CNTNAP3: variants seen among roughly 807,000 people sequenced by gnomAD.
CNTNAP3 encodes the protein contactin-associated protein-like 3.
Under a neutral mutation model 92.1 loss-of-function variants are expected in CNTNAP3, and 36 were observed. The ratio of observed to expected loss-of-function variants is 0.39; its 90% CI spans 0.30 to 0.52. The LOEUF is 0.52. CNTNAP3 is among the 20% of genes least tolerant of loss of function. The pLI, the probability that CNTNAP3 is intolerant of heterozygous loss-of-function variation, is 0.76. For synonymous variants in CNTNAP3, 232 were observed against 422.3 expected (o/e 0.55, Z 5.53); for missense variants, 534 against 1,069.6 (o/e 0.50, Z 6.98).
Position 39,231,956 on chromosome 9 carries a change from A to G in CNTNAP3, c.390+7037T>C, listed in dbSNP as rs1386077834. Among the ~76,000 whole-genome samples, 2 of 6,684 alleles carry G rather than the reference A, an allele frequency of 3.0e-4. 1 individual carries two copies. The highest frequency in any genetic ancestry group is 3.2e-4 in the African/African-American group (2 of 6,222). The allele number at this position is 6,684 out of a possible 152,430, so 4.4% of individuals were successfully genotyped here. ...ATCATTTATGTGTGTGTATGTGTGT[A>G]TATATATATATATATAAGTGGGAAT... On this transcript the variant is annotated intron_variant, in intron 3 of 23. Transcript: ENST00000297668.
intron 14 of CNTNAP3, among the ~76,000 whole-genome samples, chr9:39,117,448 C>CT (rs1487153264): frequency 5.9e-5 from 9 of 152,018 alleles, no homozygotes; most frequent in Non-Finnish European, 1.3e-4. Context: ...TCAAAAAGAA[C>CT]TTCTGAAAAA....
At position 39,071,030 on chromosome 9, in the gene CNTNAP3, T is replaced by A. The variant is rs1240495729; in HGVS notation, c.*2860A>T. Among the ~76,000 whole-genome samples, 1 of 152,200 alleles carries A rather than the reference T, an allele frequency of 6.6e-6. No homozygotes were observed. Among genetic ancestry groups the A allele is most frequent in the African/African-American group, 2.4e-5 (1 of 41,428 alleles). On this transcript the variant is annotated 3_prime_UTR_variant, in exon 24 of 24. Transcript: ENST00000297668. ...AGGAGTTCAGTCCACGCATGACAAC[T>A]TACTAGTACTGCCTACTTGAAGAGA...
At chr9:39,119,507 C>A (rs561508770) in intron 13 of CNTNAP3, among the ~76,000 whole-genome samples, 20 of 151,978 alleles carry the variant, frequency 1.3e-4, no homozygotes, top group Non-Finnish European at 2.9e-4. Flanking sequence ...TAAAAGTTAC[C>A]GACTTCACCA....
chr9:39,133,048 A>G lies in CNTNAP3; in HGVS notation c.1964T>C (p.Val655Ala). 2 of 1,553,308 alleles carry G rather than the reference A, an allele frequency of 1.3e-6. No individual in the cohort carries two copies. The highest frequency in any genetic ancestry group is 1.2e-5 in the South Asian group (1 of 85,426). ...GAPSGHPRSAVSFAYAAGAGQ... is the reference protein window; with the variant it reads ...GAPSGHPRSAASFAYAAGAGQ... ...CGCGCCCGCTGCGTACGCGAAGGAC[A>G]CAGCCGAGCGCGGGTGCCCGCTGGG... is the stretch of plus-strand genomic sequence containing the variant. Residue 655 changes from valine (V) to alanine (A), a missense_variant, in exon 13 of 24, where the codon GTG becomes GCG. Transcript: ENST00000297668.
chr9:39,128,730 A>G (rs1297113336), intron 13 of CNTNAP3, among the ~76,000 whole-genome samples: 1 of 151,942 alleles, frequency 6.6e-6, no homozygotes, highest in African/African-American at 2.4e-5. Flanking sequence ...ACGAGGCAGA[A>G]ATAAAGCTGA....
At chr9:39,143,716 T>C (rs2118106706) in intron 11 of CNTNAP3, among the ~76,000 whole-genome samples, 1 of 152,268 alleles carries the variant, frequency 6.6e-6, no homozygotes, top group South Asian at 2.1e-4. Flanking sequence ...GTAAGAGATC[T>C]TAAAGGTCCT....
chr9:39,143,089 GA>G (rs200483407), intron 11 of CNTNAP3, among the ~76,000 whole-genome samples: 1 of 151,148 alleles, frequency 6.6e-6, no homozygotes, highest in Non-Finnish European at 1.5e-5. Flanking sequence ...AAACAAATAG[GA>G]AAAAAAAGGC....
At chr9:39,146,474 G>T (rs1400420195) in intron 10 of CNTNAP3, among the ~76,000 whole-genome samples, 3 of 152,296 alleles carry the variant, frequency 2.0e-5, no homozygotes, top group African/African-American at 7.2e-5. Context: ...TGGATGACGA[G>T]GTCAGGAGAT....
chr9:39,075,289 C>T (rs1329878444), intron 23 of CNTNAP3, among the ~76,000 whole-genome samples: 1 of 151,102 alleles, frequency 6.6e-6, no homozygotes, highest in African/African-American at 2.4e-5. Context: ...GAATGGAAGG[C>T]CTGGATACCA....
At chr9:39,099,820 C>A (rs1419871178) in intron 18 of CNTNAP3, 91 bp downstream of exon 18, 3 of 1,518,212 alleles carry the variant, frequency 2.0e-6, no homozygotes, top group Non-Finnish European at 2.7e-6. Flanking sequence ...CAATCTTATC[C>A]TCTCTTTATA....
chr9:39,133,012 C>G lies in CNTNAP3; in HGVS notation c.2000G>C (p.Arg667Pro), dbSNP rs1352396727. The part of the protein sequence containing the change: ...FAYAAGAGQL[R>P]SAVNLAERCE... ...GCGCTCCGCCAGGTTCACCGCGGAC[C>G]GCAGCTGCCCCGCGCCCGCTGCGTA... The change falls in exon 13 of 24, where the codon CGG becomes CCG. Residue 667 changes from arginine to proline, a missense_variant. Physicochemically the swap from Arg to Pro is moderately radical, Grantham distance 103 (BLOSUM62 -2). Transcript: ENST00000297668. 4.5e-6 allele frequency: 7 copies of G among 1,539,164 alleles called. No homozygotes were observed. In the South Asian group the frequency reaches 7.1e-5, roughly 16 times the overall value.
At position 39,068,603 on chromosome 9, in the gene CNTNAP3, C is replaced by T. The variant is rs1255136279; in HGVS notation, c.*5287G>A. On this transcript the variant is annotated 3_prime_UTR_variant, in exon 24 of 24. Transcript: ENST00000297668. ...GTAGTTTCATGCACTTTGTTACACA[C>T]TGAAGGGCGACCCTCTCCAGATTTG... is the stretch of plus-strand genomic sequence containing the variant. Among the ~76,000 whole-genome samples, 2 of 152,310 alleles carry T rather than the reference C, an allele frequency of 1.3e-5. No homozygotes were observed. The highest frequency in any genetic ancestry group is 2.4e-5 in the African/African-American group (1 of 41,488).
intron 12 of CNTNAP3, among the ~76,000 whole-genome samples, chr9:39,135,267 T>C (rs990816869): frequency 7.2e-5 from 11 of 152,120 alleles, no homozygotes; most frequent in African/African-American, 2.7e-4. Context: ...ATAACCCTTA[T>C]ATTTTTCTTT....
chr9:39,132,725 G>A lies in CNTNAP3; in HGVS notation c.2080+207C>T, dbSNP rs549513129. Among the ~76,000 whole-genome samples the A allele has an allele frequency of 3.8e-3, 579 of 152,272 alleles. 3 individuals carry two copies. Among genetic ancestry groups the A allele is most frequent in the African/African-American group, 0.013 (555 of 41,568 alleles). The stretch of plus-strand genomic sequence containing the variant: ...CAAGTCACTAGTCCTGCATATGAAC[G>A]CGCTGAACGTCTCTCAACGGTCAGG... On this transcript the variant is annotated intron_variant, in intron 13 of 23. Coordinates refer to ENST00000297668, the MANE Select transcript of CNTNAP3 (RefSeq NM_033655.5).
Position 39,141,339 on chromosome 9 carries a change from C to T in CNTNAP3, c.1757-701G>A, listed in dbSNP as rs547564012. ...TCTTAAGCTATGCGGCAGTTATACC[C>T]TTTGCTTCCTTTAAAACAATATGAA... is the stretch of plus-strand genomic sequence containing the variant. On this transcript the variant is annotated intron_variant, in intron 11 of 23. Coordinates refer to ENST00000297668, the MANE Select transcript of CNTNAP3 (RefSeq NM_033655.5). Among the ~76,000 whole-genome samples, 584 of 152,202 alleles carry T rather than the reference C, an allele frequency of 3.8e-3. 3 individuals are homozygous for T. Among genetic ancestry groups the T allele is most frequent in the African/African-American group, 0.013 (560 of 41,524 alleles).
chr9:39,114,033 T>TACACACACAC (rs765204575), intron 14 of CNTNAP3, among the ~76,000 whole-genome samples: 2 of 143,416 alleles, frequency 1.4e-5, no homozygotes, highest in South Asian at 2.3e-4. Flanking sequence ...TACACACATA[T>TACACACACAC]ATACACACAC....
rs1294621533 is a variant in CNTNAP3 at position 39,168,174 on chromosome 9, G to A, written c.1334-2098C>T. Among the ~76,000 whole-genome samples, 9 of 129,900 alleles carry A rather than the reference G, an allele frequency of 6.9e-5. No homozygotes were observed. In the East Asian group the frequency reaches 1.9e-3, roughly 28 times the overall value. 85.2% of individuals were successfully genotyped at this position (129,900 alleles called of 152,430 possible). A position where few individuals can be genotyped will look rare whatever the true frequency, so the allele number is the denominator to read the frequency against. Reference sequence around the variant, plus strand: ...TAGGACTACAGGCACCCGCCACCACGCCTGGCTAATTTTTTTGTATTTTTA... The same window carrying A: ...TAGGACTACAGGCACCCGCCACCACACCTGGCTAATTTTTTTGTATTTTTA... On this transcript the variant is annotated intron_variant, in intron 8 of 23. Transcript: ENST00000297668.
chr9:39,123,034 A>C lies in CNTNAP3; in HGVS notation c.2081-4775T>G, dbSNP rs1327577140. Among the ~76,000 whole-genome samples, 2 of 152,248 alleles carry C rather than the reference A, an allele frequency of 1.3e-5. 1 individual carries two copies. Among genetic ancestry groups the C allele is most frequent in the East Asian group, 3.9e-4 (2 of 5,190 alleles). ...ATACGTCAATAAAATTTTTCCATTA[A>C]ACACAAAGAGAAAAAGAATGAAAAA... On this transcript the variant is annotated intron_variant, in intron 13 of 23. Coordinates refer to ENST00000297668, the MANE Select transcript of CNTNAP3 (RefSeq NM_033655.5).
At chr9:39,105,174 C>T (rs10974143) in intron 15 of CNTNAP3, among the ~76,000 whole-genome samples, 24,379 of 152,064 alleles carry the variant, frequency 0.16, 2,538 homozygotes, top group African/African-American at 0.29. Flanking sequence ...ACGCCTGTAA[C>T]CCCAGCACTT....
Sources: allele counts gnomAD v4.1 joint callset (sites outside exome capture counted in the v4.1 genomes callset), GRCh38; gene constraint gnomAD v4.1.1; transcripts MANE v1.5; gene names NCBI Gene and HGNC (gene_info 2026-07-23, HGNC 2026-07-21).